The following TRPV1 variants were observed in gnomAD, a reference collection of about 807,000 sequenced individuals.
TRPV1 encodes OTRPC1.
TRPV1 carries 82 observed loss-of-function variants against 82.3 expected under a neutral mutation model. The observed-to-expected ratio is 1.00, with a 90% confidence interval of 0.83 to 1.20. The LOEUF is 1.20. Among genes scored for constraint, TRPV1 ranks in the 50% most tolerant of loss-of-function variants. The pLI is 0.00. For synonymous variants in TRPV1, 515 were observed against 467.7 expected (o/e 1.10, Z -1.30); for missense variants, 1,067 against 1,096.8 (o/e 0.97, Z 0.38).
At chr17:3,583,553 A>G in intron 9 of TRPV1, 123 bp from the exon 10 acceptor site, 1 of 818,632 alleles carries the variant, frequency 1.2e-6, no homozygotes, top group East Asian at 2.7e-5. Context: ...GGAAGGACAC[A>G]CAAAGACAGT....
At chr17:3,600,233 T>G (rs161381) in intron 2 of TRPV1, among the ~76,000 whole-genome samples, 129,829 of 152,146 alleles carry the variant, frequency 0.85, 55,626 homozygotes, top group East Asian at 1. Context: ...GGAAAGGGGA[T>G]GGTCATGCTT....
intron 12 of TRPV1, 74 bp from the exon 13 acceptor site, chr17:3,577,266 G>T: frequency 1.3e-6 from 2 of 1,487,770 alleles, no homozygotes; most frequent in Non-Finnish European, 1.8e-6. Context: ...GGGCCGCATC[G>T]GCCTGGGGAT....
chr17:3,567,653 G>C (rs1004027803), intron 16 of TRPV1, among the ~76,000 whole-genome samples: 1 of 151,880 alleles, frequency 6.6e-6, no homozygotes, highest in African/African-American at 2.4e-5. Flanking sequence ...CAACGCCGAG[G>C]CCTGTCCTGT....
At chr17:3,574,932 A>AAAAG (rs1555549260) in intron 13 of TRPV1, among the ~76,000 whole-genome samples, 34 of 151,642 alleles carry the variant, frequency 2.2e-4, no homozygotes, top group African/African-American at 8.0e-4. Flanking sequence ...AAAAAAAAAA[A>AAAAG]AAAAAAAGAT....
At position 3,588,321 on chromosome 17, in the gene TRPV1, C is replaced by G. The variant is rs760064755; in HGVS notation, c.1091G>C (p.Arg364Thr). 1 of 1,567,876 alleles carries G rather than the reference C, an allele frequency of 6.4e-7. No individual in the cohort carries two copies. The highest frequency in any genetic ancestry group is 8.6e-7 in the Non-Finnish European group (1 of 1,156,760). The change falls in exon 8 of 17, where the codon AGG becomes ACG. Residue 364 changes from arginine (R) to threonine (T), a missense_variant. Physicochemically the swap from Arg to Thr is moderately conservative, Grantham distance 71 (BLOSUM62 -1). Transcript: ENST00000572705. ...CTCGGTGAACTTCCTGGACAGGTGC[C>G]TGCACTCGGGCTCCTGGATCTCCCG... ...LQREIQEPEC[R>T]HLSRKFTEWA...
Position 3,572,225 on chromosome 17 carries a change from C to G in TRPV1, c.2128G>C (p.Glu710Gln). The part of the protein sequence containing the change: ...LQRAITILDT[E>Q]KSFLKCMRKA... ...CTCATGCACTTAAGGAAGCTCTTCT[C>G]CGTGTCCAGGATGGTGATGGCTCTC... The change falls in exon 15 of 17, where the codon GAG (glutamate) becomes CAG (glutamine). Residue 710 changes from glutamate to glutamine, a missense_variant. Glu to Gln is a conservative substitution (Grantham distance 29). Coordinates refer to ENST00000572705, the MANE Select transcript of TRPV1 (RefSeq NM_080704.4). The G allele has an allele frequency of 1.2e-6, 2 of 1,610,396 alleles. No homozygotes were observed. The highest frequency in any genetic ancestry group is 1.1e-5 in the South Asian group (1 of 90,178).
At chr17:3,609,176 A>G (rs2075320286) in intron 1 of TRPV1, 133 bp downstream of exon 1, 1 of 152,212 alleles carries the variant, frequency 6.6e-6, no homozygotes, top group Non-Finnish European at 1.5e-5. Flanking sequence ...GGGAGCCAAC[A>G]TGCCCGGCCA....
rs118089124 is a variant in TRPV1, at chr17:3,599,600, T to C, written c.-33-7217A>G. 9.0e-4 allele frequency among the ~76,000 whole-genome samples: 137 copies of C among 151,916 alleles called. 5 individuals carry two copies. The East Asian group carries it at 0.022, about 24-fold the overall frequency. ...ATTTCCTCAAGGTTCATCCATGTAGTAGCCTGTAAGAGAATTTCCTTTTTT... is the reference window on the plus strand; with the variant it reads ...ATTTCCTCAAGGTTCATCCATGTAGCAGCCTGTAAGAGAATTTCCTTTTTT... On this transcript the variant is annotated intron_variant, in intron 2 of 16. Transcript: ENST00000572705.
rs1004893000 is a variant in TRPV1, at chr17:3,608,558, C to G, written c.-165G>C. ...TCCCAGATGGCACGGCAGAGACTCT[C>G]CATCACACTGCTCAGAACAATGCAC... On this transcript the variant is annotated 5_prime_UTR_variant, in exon 2 of 17. Transcript: ENST00000572705. 1 of 152,172 alleles carries G rather than the reference C, an allele frequency of 6.6e-6. No individual in the cohort carries two copies. Among genetic ancestry groups the G allele is most frequent in the African/African-American group, 2.4e-5 (1 of 41,422 alleles). 9.4% of individuals were successfully genotyped at this position (152,172 alleles called of 1,614,324 possible).
intron 9 of TRPV1, 113 bp downstream of exon 9, chr17:3,585,655 G>A: frequency 3.0e-6 from 4 of 1,328,658 alleles, no homozygotes; most frequent in Non-Finnish European, 4.1e-6. Context: ...CGCAAGCTGG[G>A]AAGGAGTCCA....
chr17:3,575,996 G>A (rs1159545100), intron 13 of TRPV1, among the ~76,000 whole-genome samples: 3 of 151,530 alleles, frequency 2.0e-5, no homozygotes, highest in South Asian at 2.1e-4. Context: ...GAGCCGAGGC[G>A]GGCAGATCAC....
chr17:3,573,875 A>C lies in TRPV1; in HGVS notation c.1861T>G (p.Cys621Gly), dbSNP rs200734379. The C allele has an allele frequency of 6.2e-7, 1 of 1,601,282 alleles. No homozygotes were observed. ...TTGTAGGAGCTATCGGGGGGCCTGC[A>C]GGCAGGCCCCCGCCACCTGTGCGAC... ...STSHRWRGPA[C>G]RPPDSSYNSL... Residue 621 changes from cysteine to glycine, a missense_variant, in exon 14 of 17, where the codon TGC (cysteine) becomes GGC (glycine). By Grantham distance (159) the Cys-to-Gly change is radical (BLOSUM62 -3). Transcript: ENST00000572705.
At chr17:3,572,301 G>C (rs1055603565) in intron 14 of TRPV1, 52 bp from the exon 15 acceptor site, 4 of 1,553,028 alleles carry the variant, frequency 2.6e-6, no homozygotes, top group Admixed American at 1.9e-5. Flanking sequence ...GGTGCATCCC[G>C]GGGCCACCCT....
intron 2 of TRPV1, among the ~76,000 whole-genome samples, chr17:3,597,743 A>G (rs1195207547): frequency 7.1e-6 from 1 of 141,818 alleles, no homozygotes; most frequent in Non-Finnish European, 1.5e-5. Context: ...GCGCGATCTC[A>G]GCTCACTGCA....
At chr17:3,583,021 T>C (rs1159546143) in intron 10 of TRPV1, among the ~76,000 whole-genome samples, 2 of 152,018 alleles carry the variant, frequency 1.3e-5, no homozygotes, top group Non-Finnish European at 2.9e-5. Flanking sequence ...ATTGGTTTAA[T>C]TAAAAAACTA....
intron 10 of TRPV1, among the ~76,000 whole-genome samples, chr17:3,582,051 G>GTGA (rs2075025488): frequency 6.7e-6 from 1 of 148,586 alleles, no homozygotes; most frequent in Non-Finnish European, 1.5e-5. Context: ...TTAGCCGGGC[G>GTGA]TGGTGGCGGG....
chr17:3,576,668 A>AAAAAAAAAAAATATATATATATAT, intron 13 of TRPV1, among the ~76,000 whole-genome samples: 1 of 38,424 alleles, frequency 2.6e-5, no homozygotes, highest in Non-Finnish European at 5.3e-5. Flanking sequence ...AAAAAAAAAA[A>AAAAAAAAAAAATATATATATATAT]ATATATATAT....
chr17:3,579,665 G>A (rs187587076), intron 11 of TRPV1, among the ~76,000 whole-genome samples: 4 of 151,986 alleles, frequency 2.6e-5, no homozygotes, highest in Admixed American at 6.6e-5. Context: ...TAGTAGAGAC[G>A]GGGTTTCACC....
chr17:3,606,805 G>A (rs1371074478), intron 2 of TRPV1, among the ~76,000 whole-genome samples: 1 of 152,134 alleles, frequency 6.6e-6, no homozygotes, highest in Admixed American at 6.5e-5. Flanking sequence ...AGAGAGTTCC[G>A]GGGCCACACC....
Sources: gnomAD v4.1 joint callset for allele counts (sites outside exome capture counted in the v4.1 genomes callset) on GRCh38, gnomAD v4.1.1 for gene constraint, MANE v1.5 for transcripts, NCBI Gene and HGNC (gene_info 2026-07-23, HGNC 2026-07-21) for gene names.